MERTK: variants seen among roughly 807,000 people sequenced by gnomAD.
The protein encoded by MERTK is MER proto-oncogene, tyrosine kinase.
MERTK carries 69 observed loss-of-function variants against 99.3 expected under a neutral mutation model. The ratio of observed to expected loss-of-function variants is 0.70; its 90% CI spans 0.57 to 0.85. The LOEUF is 0.85. Among genes scored for constraint, MERTK ranks in the 40% least tolerant of loss-of-function variants. MERTK has a pLI of 0.00. For synonymous variants in MERTK, 426 were observed against 467.6 expected, an observed-to-expected ratio of 0.91 and a Z score of 1.15; for missense variants, 1,125 against 1,249.4, an observed-to-expected ratio of 0.90 and a Z score of 1.50.
intron 1 of MERTK, among the ~76,000 whole-genome samples, chr2:111,904,655 T>G (rs1428940662): frequency 6.6e-6 from 1 of 152,150 alleles, no homozygotes; most frequent in Admixed American, 6.5e-5. Flanking sequence ...ATTACAGGAG[T>G]GAACCACCTC....
chr2:111,943,318 T>C (rs1383078375), intron 2 of MERTK, among the ~76,000 whole-genome samples: 2 of 152,226 alleles, frequency 1.3e-5, no homozygotes, highest in Non-Finnish European at 2.9e-5. Context: ...CTTTGCTGTG[T>C]TTAAAGAGGA....
intron 17 of MERTK, among the ~76,000 whole-genome samples, chr2:112,022,026 G>A (rs1377421503): frequency 6.6e-6 from 1 of 152,158 alleles, no homozygotes; most frequent in Non-Finnish European, 1.5e-5. Context: ...GATGTGTGAC[G>A]AGGCTGTTTC....
chr2:111,955,537 C>G (rs1026809785), intron 4 of MERTK, among the ~76,000 whole-genome samples: 4 of 152,070 alleles, frequency 2.6e-5, no homozygotes, highest in Non-Finnish European at 5.9e-5. Flanking sequence ...TTGCATAAAC[C>G]TATACACTCA....
In MERTK at chr2:111,898,692, C is replaced by G. The variant is rs760859141; in HGVS notation, c.-44C>G. 3 of 1,591,034 alleles carry G rather than the reference C, an allele frequency of 1.9e-6. No homozygotes were observed. Among genetic ancestry groups the G allele is most frequent in the Admixed American group, 1.7e-5 (1 of 57,372 alleles). On this transcript the variant is annotated 5_prime_UTR_variant, in exon 1 of 19. In the 5' UTR this introduces an upstream ATG that the reference lacks. Transcript: ENST00000295408. ...GACAGGACAGGTTCGGGACGTCCAT[C>G]TGTCCATCCGTCCGGAGAGAAATTA...
chr2:111,905,755 C>T (rs1267780423), intron 1 of MERTK, among the ~76,000 whole-genome samples: 1 of 152,082 alleles, frequency 6.6e-6, no homozygotes, highest in Non-Finnish European at 1.5e-5. Context: ...AGGCGTGAGC[C>T]ACCGTGCCCA....
At chr2:111,982,244 T>C (rs1676387750) in intron 7 of MERTK, among the ~76,000 whole-genome samples, 1 of 151,938 alleles carries the variant, frequency 6.6e-6, no homozygotes, top group South Asian at 2.1e-4. Flanking sequence ...TTAGTGGTGA[T>C]TGGAGTCTCA....
Position 112,029,046 on chromosome 2 carries a change from G to T in MERTK, c.*182G>T. On this transcript the variant is annotated 3_prime_UTR_variant, in exon 19 of 19. Transcript: ENST00000295408. ...AATACATAATATATATTTATTTAAA[G>T]AGAAAAAATATGTGTATATCATGGA... The T allele has an allele frequency of 7.3e-7, 1 of 1,362,752 alleles. No homozygotes were observed. 84.4% of individuals were successfully genotyped at this position (1,362,752 alleles called of 1,614,324 possible). A position where few individuals can be genotyped will look rare whatever the true frequency, so the allele number is the denominator to read the frequency against.
At chr2:111,987,601 G>C (rs1011565738) in intron 8 of MERTK, among the ~76,000 whole-genome samples, 4 of 152,072 alleles carry the variant, frequency 2.6e-5, no homozygotes, top group African/African-American at 9.7e-5. Flanking sequence ...TCCATGAATG[G>C]GACAGTCTTT....
chr2:111,902,672 T>C (rs769373589), intron 1 of MERTK, among the ~76,000 whole-genome samples: 24 of 152,010 alleles, frequency 1.6e-4, no homozygotes, highest in Non-Finnish European at 3.4e-4. Context: ...TGAGAAGCCT[T>C]CCCCAATAAC....
At chr2:112,016,115 T>C (rs1677210518) in intron 15 of MERTK, among the ~76,000 whole-genome samples, 1 of 152,224 alleles carries the variant, frequency 6.6e-6, no homozygotes, top group African/African-American at 2.4e-5. Context: ...TTTGTTCTAC[T>C]TTTTCAGAAT....
chr2:111,913,865 A>G (rs1310548684), intron 1 of MERTK, among the ~76,000 whole-genome samples: 4 of 152,272 alleles, frequency 2.6e-5, no homozygotes, highest in African/African-American at 4.8e-5. Context: ...GGAATTTTCT[A>G]TGAAGATAAT....
At chr2:111,903,524 C>G (rs1463225155) in intron 1 of MERTK, among the ~76,000 whole-genome samples, 1 of 152,232 alleles carries the variant, frequency 6.6e-6, no homozygotes, top group African/African-American at 2.4e-5. Context: ...TCTAACAACT[C>G]CTTGCTCAGG....
At chr2:112,006,421 TC>T (rs1215632049) in intron 13 of MERTK, among the ~76,000 whole-genome samples, 1 of 152,112 alleles carries the variant, frequency 6.6e-6, no homozygotes, top group African/African-American at 2.4e-5. Context: ...GTTAGAATAC[TC>T]ACTGGAGCTG....
At chr2:111,978,256 TCTC>T (rs1358736702) in intron 7 of MERTK, among the ~76,000 whole-genome samples, 1 of 152,052 alleles carries the variant, frequency 6.6e-6, no homozygotes, top group Non-Finnish European at 1.5e-5. Context: ...TTCAAGCAAT[TCTC>T]CTGCCTCAGC....
intron 15 of MERTK, chr2:112,013,117 T>A (rs1257252037): frequency 2.0e-5 from 3 of 152,530 alleles, no homozygotes; most frequent in African/African-American, 7.3e-5. Context: ...TTTTTTCCAG[T>A]TCCCCCCTGG....
intron 4 of MERTK, among the ~76,000 whole-genome samples, chr2:111,962,198 A>G (rs1036400812): frequency 2.6e-5 from 4 of 152,202 alleles, no homozygotes; most frequent in Non-Finnish European, 4.4e-5. Context: ...ATACTTGTAT[A>G]GTTGTAATTC....
At chr2:111,970,808 TCCTCCTCCTC>T (rs1223973385) in intron 6 of MERTK, among the ~76,000 whole-genome samples, 87 of 85,852 alleles carry the variant, frequency 1.0e-3, no homozygotes, top group Non-Finnish European at 1.4e-3. Flanking sequence ...TCCCCCCTCC[TCCTCCTCCTC>T]CCTCCTCCTC....
intron 4 of MERTK, among the ~76,000 whole-genome samples, chr2:111,948,983 C>T (rs1685008895): frequency 1.3e-5 from 2 of 151,978 alleles, no homozygotes; most frequent in South Asian, 4.1e-4. Flanking sequence ...GCTTGTTAGG[C>T]ACGAGTCACA....
At chr2:111,907,183 G>C (rs1321864863) in intron 1 of MERTK, among the ~76,000 whole-genome samples, 1 of 152,212 alleles carries the variant, frequency 6.6e-6, no homozygotes, top group African/African-American at 2.4e-5. Flanking sequence ...GGGAGGTCAG[G>C]GTGGGTGGAT....
Sources: allele counts gnomAD v4.1 joint callset (sites outside exome capture counted in the v4.1 genomes callset), GRCh38; gene constraint gnomAD v4.1.1; transcripts MANE v1.5; gene names NCBI Gene and HGNC (gene_info 2026-07-23, HGNC 2026-07-21).